KATNBL1: variants seen among roughly 807,000 people sequenced by gnomAD.
KATNBL1 encodes KATNB1-like protein 1.
A neutral mutation model predicts 44.7 loss-of-function variants in KATNBL1; 28 were observed. That is an observed-to-expected ratio of 0.63 (90% CI 0.46 to 0.86). The LOEUF (loss-of-function observed/expected upper bound fraction) is 0.86. KATNBL1 is among the 40% of genes least tolerant of loss of function. The pLI, the probability that KATNBL1 is intolerant of heterozygous loss-of-function variation, is 0.00. For missense variants in KATNBL1, 272 were observed against 350.7 expected (o/e 0.78, Z 1.79); for synonymous variants, 78 against 114.9 (o/e 0.68, Z 2.06).
At chr15:34,148,321 C>CTT (rs1390941967) in intron 5 of KATNBL1, 1 of 187,870 alleles carries the variant, frequency 5.3e-6, no homozygotes, top group Non-Finnish European at 1.1e-5. Context: ...CATACTGTCT[C>CTT]TACTGAAGCT....
chr15:34,156,496 C>T (rs969601799), intron 2 of KATNBL1, among the ~76,000 whole-genome samples: 2 of 152,214 alleles, frequency 1.3e-5, no homozygotes, highest in Non-Finnish European at 2.9e-5. Flanking sequence ...TTTATCTATT[C>T]TAACCAGGCA....
Position 34,188,464 on chromosome 15 carries a change from G to A in KATNBL1, c.-15+21487C>T, listed in dbSNP as rs553011292. Among the ~76,000 whole-genome samples, 4 of 152,296 alleles carry A rather than the reference G, an allele frequency of 2.6e-5. No homozygotes were observed. In the South Asian group the frequency reaches 8.3e-4, roughly 32 times the overall value. On this transcript the variant is annotated intron_variant, in intron 1 of 9. Transcript: ENST00000256544. ...CCAGCTACTTGGGAGGCTGAGGCATGAGAATTGCTTGAACCTGGGAGGTGG... is the reference window on the plus strand; with the variant it reads ...CCAGCTACTTGGGAGGCTGAGGCATAAGAATTGCTTGAACCTGGGAGGTGG...
chr15:34,204,861 G>A (rs897230888), intron 1 of KATNBL1, among the ~76,000 whole-genome samples: 6 of 152,266 alleles, frequency 3.9e-5, no homozygotes, highest in Admixed American at 2.0e-4. Context: ...GCTAGGTCAG[G>A]AATTTGGACT....
At chr15:34,196,693 A>G (rs1890038880) in intron 1 of KATNBL1, among the ~76,000 whole-genome samples, 1 of 152,180 alleles carries the variant, frequency 6.6e-6, no homozygotes, top group South Asian at 2.1e-4. Flanking sequence ...GCACCACTGC[A>G]CTCCACCCTG....
At chr15:34,176,778 A>G (rs916774980) in intron 1 of KATNBL1, among the ~76,000 whole-genome samples, 5 of 152,258 alleles carry the variant, frequency 3.3e-5, no homozygotes, top group African/African-American at 9.6e-5. Flanking sequence ...TCATAATTGT[A>G]ATGGTAAAGT....
intron 1 of KATNBL1, among the ~76,000 whole-genome samples, chr15:34,172,178 T>A (rs544278251): frequency 6.6e-6 from 1 of 151,614 alleles, no homozygotes; most frequent in African/African-American, 2.4e-5. Flanking sequence ...GCTCACTAGA[T>A]CCTCTTTCTC....
intron 1 of KATNBL1, among the ~76,000 whole-genome samples, chr15:34,174,482 A>G (rs373682196): frequency 1.3e-5 from 2 of 152,336 alleles, no homozygotes; most frequent in Admixed American, 6.5e-5. Flanking sequence ...TGACATACTG[A>G]TAACTGTATT....
intron 1 of KATNBL1, 182 bp downstream of exon 1, chr15:34,209,769 G>C (rs972093665): frequency 3.3e-5 from 5 of 151,202 alleles, no homozygotes; most frequent in South Asian, 4.1e-4. Context: ...CGGCAGAGGG[G>C]CTCCGCCCCG....
chr15:34,166,023 C>A (rs967813660), intron 1 of KATNBL1: 6 of 152,496 alleles, frequency 3.9e-5, no homozygotes, highest in African/African-American at 1.4e-4. Flanking sequence ...GTGATCAACA[C>A]AGAAGACGGG....
chr15:34,156,392 G>A (rs1888639811), intron 2 of KATNBL1, among the ~76,000 whole-genome samples: 1 of 152,186 alleles, frequency 6.6e-6, no homozygotes, highest in African/African-American at 2.4e-5. Context: ...GTTGACTGGA[G>A]GACCATCATA....
chr15:34,207,933 T>C (rs751619685), intron 1 of KATNBL1, among the ~76,000 whole-genome samples: 25 of 152,192 alleles, frequency 1.6e-4, no homozygotes, highest in Non-Finnish European at 2.9e-4. Context: ...ACATAAATCC[T>C]GCAATTGTTA....
chr15:34,177,833 TC>T (rs1889382695), intron 1 of KATNBL1: 1 of 152,184 alleles, frequency 6.6e-6, no homozygotes, highest in Non-Finnish European at 1.5e-5. Context: ...TGTATTTAAC[TC>T]TGTAATTTTA....
At chr15:34,169,544 T>C (rs1016874196) in intron 1 of KATNBL1, among the ~76,000 whole-genome samples, 3 of 152,162 alleles carry the variant, frequency 2.0e-5, no homozygotes, top group Non-Finnish European at 4.4e-5. Context: ...CTTCTGAAAC[T>C]ATTCCATCAA....
At chr15:34,165,242 T>C (rs1279136597) in intron 1 of KATNBL1, among the ~76,000 whole-genome samples, 1 of 152,162 alleles carries the variant, frequency 6.6e-6, no homozygotes, top group Non-Finnish European at 1.5e-5. Context: ...GGAGCTTACA[T>C]TGGGGGCGAC....
intron 1 of KATNBL1, among the ~76,000 whole-genome samples, chr15:34,175,919 T>G (rs1889316918): frequency 6.6e-6 from 1 of 152,026 alleles, no homozygotes; most frequent in Non-Finnish European, 1.5e-5. Context: ...TACATAAAAA[T>G]GCAGAAGAAA....
intron 1 of KATNBL1, among the ~76,000 whole-genome samples, chr15:34,182,402 G>A (rs931126179): frequency 6.6e-6 from 1 of 152,106 alleles, no homozygotes; most frequent in African/African-American, 2.4e-5. Flanking sequence ...GTTCTGGAAG[G>A]CAAATTTGAC....
At chr15:34,171,021 A>G (rs575444387) in intron 1 of KATNBL1, among the ~76,000 whole-genome samples, 2 of 152,352 alleles carry the variant, frequency 1.3e-5, no homozygotes, top group African/African-American at 2.4e-5. Flanking sequence ...GGACACAGAC[A>G]TCGGCAAGGA....
At chr15:34,180,180 T>C (rs1185306660) in intron 1 of KATNBL1, among the ~76,000 whole-genome samples, 2 of 152,210 alleles carry the variant, frequency 1.3e-5, no homozygotes, top group Non-Finnish European at 2.9e-5. Flanking sequence ...TCTGCTTCCC[T>C]TTCCTGCCAA....
intron 2 of KATNBL1, among the ~76,000 whole-genome samples, chr15:34,160,094 G>A (rs1281892777): frequency 6.6e-6 from 1 of 152,206 alleles, no homozygotes; most frequent in African/African-American, 2.4e-5. Flanking sequence ...TAAGTGGCAT[G>A]ACTTTTTCTT....
Sources: allele counts gnomAD v4.1 joint callset (sites outside exome capture counted in the v4.1 genomes callset), GRCh38; gene constraint gnomAD v4.1.1; transcripts MANE v1.5; gene names NCBI Gene and HGNC (gene_info 2026-07-23, HGNC 2026-07-21).